The following CENPW variants were observed in gnomAD, a reference collection of about 807,000 sequenced individuals.
CENPW encodes the protein cancer-up-regulated gene 2 protein.
In CENPW, 3 loss-of-function variants were observed where a neutral mutation model predicts 11.1. That is an observed-to-expected ratio of 0.27 (90% CI 0.12 to 0.70). The LOEUF is 0.70. CENPW is among the 30% of genes least tolerant of loss of function. CENPW has a pLI of 0.77. For synonymous variants in CENPW, 38 were observed against 42.0 expected (o/e 0.91, Z 0.37); for missense variants, 100 against 105.6 (o/e 0.95, Z 0.23).
chr6:126,434,056 A>G, the CENPW span, among the ~76,000 whole-genome samples: 4 of 152,260 alleles, frequency 2.6e-5, no homozygotes, highest in Admixed American at 2.6e-4. Flanking sequence ...TTTTCTTCCA[A>G]GATAGGCAAG....
At chr6:126,345,589 A>C (rs1382579751) in intron 1 of CENPW, among the ~76,000 whole-genome samples, 2 of 152,004 alleles carry the variant, frequency 1.3e-5, no homozygotes, top group African/African-American at 4.8e-5. Context: ...CAGTCTGCTT[A>C]TATTACCTAT....
the CENPW span, among the ~76,000 whole-genome samples, chr6:126,476,703 T>C: frequency 6.6e-6 from 1 of 152,016 alleles, no homozygotes; most frequent in African/African-American, 2.4e-5. Flanking sequence ...TGAGAGAATA[T>C]CAGTGCATAT....
At chr6:126,448,594 A>G in the CENPW span, among the ~76,000 whole-genome samples, 2 of 150,996 alleles carry the variant, frequency 1.3e-5, no homozygotes, top group African/African-American at 2.4e-5. Context: ...GGTAATATCC[A>G]TGTTTCAGAG....
chr6:126,421,299 C>T, the CENPW span, among the ~76,000 whole-genome samples: 1 of 152,206 alleles, frequency 6.6e-6, no homozygotes, highest in East Asian at 1.9e-4. Flanking sequence ...ATTTTTCTAC[C>T]TGTCATTACT....
the CENPW span, among the ~76,000 whole-genome samples, chr6:126,475,468 C>T: frequency 6.6e-6 from 1 of 151,968 alleles, no homozygotes; most frequent in Non-Finnish European, 1.5e-5. Context: ...TTGTGAATTG[C>T]AGTTCATTTT....
the CENPW span, among the ~76,000 whole-genome samples, chr6:126,415,627 G>T: frequency 2.0e-5 from 3 of 152,134 alleles, no homozygotes; most frequent in East Asian, 1.9e-4. Context: ...GGACCTGGTG[G>T]GAAGTAATTG....
At chr6:126,465,984 T>C in the CENPW span, among the ~76,000 whole-genome samples, 1 of 152,080 alleles carries the variant, frequency 6.6e-6, no homozygotes, top group Admixed American at 6.6e-5. Context: ...ACAGTGACAG[T>C]AAAAACATTA....
At chr6:126,362,017 G>C in the CENPW span, among the ~76,000 whole-genome samples, 1 of 152,170 alleles carries the variant, frequency 6.6e-6, no homozygotes, top group African/African-American at 2.4e-5. Context: ...AGGTGTATTA[G>C]AGCACTCAGG....
the CENPW span, among the ~76,000 whole-genome samples, chr6:126,414,986 T>A: frequency 6.6e-6 from 1 of 151,476 alleles, no homozygotes; most frequent in African/African-American, 2.4e-5. Context: ...AAATGGAAAA[T>A]CTATAGGAAA....
chr6:126,395,803 G>C, the CENPW span, among the ~76,000 whole-genome samples: 1 of 152,158 alleles, frequency 6.6e-6, no homozygotes, highest in Admixed American at 6.5e-5. Context: ...GTATCACCTT[G>C]GTGGCCTTGG....
the CENPW span, among the ~76,000 whole-genome samples, chr6:126,369,130 A>C: frequency 6.6e-6 from 1 of 151,470 alleles, no homozygotes; most frequent in Admixed American, 6.6e-5. Flanking sequence ...TTTATGGCTG[A>C]GTAGTATTCC....
At chr6:126,425,281 A>G in the CENPW span, among the ~76,000 whole-genome samples, 3 of 152,152 alleles carry the variant, frequency 2.0e-5, no homozygotes, top group Admixed American at 6.6e-5. Flanking sequence ...CAGGAAAAAA[A>G]TTTGGACTTC....
At chr6:126,400,222 A>G in the CENPW span, among the ~76,000 whole-genome samples, 3 of 152,070 alleles carry the variant, frequency 2.0e-5, no homozygotes, top group South Asian at 2.1e-4. Context: ...GAGAATACCA[A>G]TTACTCCACA....
At chr6:126,356,970 T>C in the CENPW span, among the ~76,000 whole-genome samples, 1 of 152,160 alleles carries the variant, frequency 6.6e-6, no homozygotes, top group Non-Finnish European at 1.5e-5. Context: ...TCAATTTTTG[T>C]TGTTGTTGCC....
the CENPW span, among the ~76,000 whole-genome samples, chr6:126,443,344 C>T: frequency 6.6e-6 from 1 of 151,174 alleles, no homozygotes; most frequent in African/African-American, 2.4e-5. Context: ...CTGGATTTTG[C>T]TCACTGCATT....
the CENPW span, among the ~76,000 whole-genome samples, chr6:126,391,604 T>G: frequency 3.3e-5 from 5 of 151,940 alleles, no homozygotes; most frequent in East Asian, 1.9e-4. Flanking sequence ...TAGTTTGAAG[T>G]CTTAGATGTA....
At chr6:126,465,338 C>T in the CENPW span, among the ~76,000 whole-genome samples, 1 of 151,862 alleles carries the variant, frequency 6.6e-6, no homozygotes, top group South Asian at 2.1e-4. Context: ...ATCACCTGTA[C>T]CTTTGAAACT....
chr6:126,398,735 G>A, the CENPW span, among the ~76,000 whole-genome samples: 5 of 151,908 alleles, frequency 3.3e-5, no homozygotes, highest in South Asian at 4.2e-4. Context: ...TGACACTGAC[G>A]TTTGGGGTAG....
chr6:126,428,000 C>T, the CENPW span, among the ~76,000 whole-genome samples: 1 of 152,194 alleles, frequency 6.6e-6, no homozygotes, highest in Non-Finnish European at 1.5e-5. Flanking sequence ...CATGATCTCA[C>T]CTCTCCTAAC....
Sources: allele counts gnomAD v4.1 joint callset (sites outside exome capture counted in the v4.1 genomes callset), GRCh38; gene constraint gnomAD v4.1.1; transcripts MANE v1.5; gene names NCBI Gene and HGNC (gene_info 2026-07-23, HGNC 2026-07-21).